Variants in TRAF3IP3 observed in about 807,000 individuals in gnomAD.
The protein encoded by TRAF3IP3 is TRAF3 interacting protein 3.
TRAF3IP3 carries 64 observed loss-of-function variants against 86.5 expected under a neutral mutation model. The observed-to-expected ratio is 0.74, with a 90% CI of 0.60 to 0.91. The LOEUF is 0.91. Ranked by LOEUF, TRAF3IP3 falls within the 40% of genes least tolerant of loss-of-function variation. The pLI is 0.00. For missense variants in TRAF3IP3, 579 were observed against 642.9 expected (o/e 0.90, Z 1.07); for synonymous variants, 220 against 243.9 (o/e 0.90, Z 0.91).
chr1:209,765,227 G>A (rs12758153), intron 8 of TRAF3IP3, among the ~76,000 whole-genome samples: 1 of 58,300 alleles, frequency 1.7e-5, no homozygotes, highest in South Asian at 6.1e-4. Flanking sequence ...GAGAGAGAGA[G>A]AGGAAGGAAG....
intron 8 of TRAF3IP3, among the ~76,000 whole-genome samples, chr1:209,772,663 T>C (rs1423992891): frequency 6.6e-6 from 1 of 151,176 alleles, no homozygotes; most frequent in Non-Finnish European, 1.5e-5. Context: ...TTAGAAGCTT[T>C]CCTTCCGGGG....
chr1:209,769,975 A>C (rs2077431655), intron 8 of TRAF3IP3, among the ~76,000 whole-genome samples: 1 of 152,156 alleles, frequency 6.6e-6, no homozygotes, highest in African/African-American at 2.4e-5. Flanking sequence ...GGAAGAACAA[A>C]ACCCCTACCT....
chr1:209,762,243 A>G (rs1434058494), intron 3 of TRAF3IP3, among the ~76,000 whole-genome samples: 1 of 152,188 alleles, frequency 6.6e-6, no homozygotes, highest in Non-Finnish European at 1.5e-5. Flanking sequence ...GAGAGCAGAG[A>G]GAGAAAGCAA....
Position 209,780,420 on chromosome 1 carries a change from C to T in TRAF3IP3, c.1313-50C>T, listed in dbSNP as rs142296496. The T allele has an allele frequency of 8.3e-5, 122 of 1,462,414 alleles. 1 individual carries two copies. In the East Asian group the frequency reaches 1.6e-3, roughly 19 times the overall value. 90.6% of individuals were successfully genotyped at this position (1,462,414 alleles called of 1,614,324 possible). ...TAGTGGTTTCACCCTCAGGGCCCTT[C>T]CTCAGAGGTGTGGGCCTCACTGTCA... On this transcript the variant is annotated intron_variant, in intron 14 of 16. Coordinates refer to ENST00000367025, the MANE Select transcript of TRAF3IP3 (RefSeq NM_025228.4).
chr1:209,779,438 G>A (rs775324939), intron 14 of TRAF3IP3, 64 bp downstream of exon 14: 12 of 1,424,688 alleles, frequency 8.4e-6, no homozygotes, highest in East Asian at 4.6e-5. Flanking sequence ...TAGAGGCAGC[G>A]GGATGGACTA....
chr1:209,761,940 T>A (rs1267663479), intron 3 of TRAF3IP3, among the ~76,000 whole-genome samples: 1 of 152,256 alleles, frequency 6.6e-6, no homozygotes, highest in Non-Finnish European at 1.5e-5. Flanking sequence ...GCTCCACATA[T>A]GCCTGGCCTG....
chr1:209,760,007 GA>G lies in TRAF3IP3; in HGVS notation c.-31del. 6.4e-7 allele frequency: 1 copy of G among 1,571,054 alleles called. No individual in the cohort carries two copies. Among genetic ancestry groups the G allele is most frequent in the South Asian group, 1.1e-5 (1 of 89,712 alleles). On this transcript the variant is annotated 5_prime_UTR_variant, in exon 3 of 17. Coordinates refer to ENST00000367025, the MANE Select transcript of TRAF3IP3 (RefSeq NM_025228.4). ...ATCCAGGCATCTATTCCAGGAACTG[GA>G]AGCCAAGCGCAACAGGTGCTTGGAG...
rs773410302 is a variant in TRAF3IP3 at position 209,762,625 on chromosome 1, G to A, written c.456G>A (p.Gln152=). 2 of 1,500,442 alleles carry A rather than the reference G, an allele frequency of 1.3e-6. No individual in the cohort carries two copies. Among genetic ancestry groups the A allele is most frequent in the East Asian group, 2.3e-5 (1 of 43,328 alleles). 92.9% of individuals were successfully genotyped at this position (1,500,442 alleles called of 1,614,324 possible). A position where few individuals can be genotyped will look rare whatever the true frequency, so the allele number is the denominator to read the frequency against. ...LSSQAGGLPP[Q]DTPIKKPPKH... ...CACAGGCTGGGGGCCTTCCTCCACA[G>A]GACACTCCCATCAAGAAGCCACCCA... The change falls in exon 4 of 17, where the codon CAG becomes CAA. Residue 152 remains glutamine (Q), a synonymous_variant. Coordinates refer to ENST00000367025, the MANE Select transcript of TRAF3IP3 (RefSeq NM_025228.4).
chr1:209,768,618 A>G, intron 8 of TRAF3IP3: 2 of 985,856 alleles, frequency 2.0e-6, no homozygotes, highest in Non-Finnish European at 2.4e-6. Context: ...GGCAGGGGAA[A>G]ACCACGCAGA....
chr1:209,760,504 T>C (rs1265499206), intron 3 of TRAF3IP3, 120 bp downstream of exon 3: 2 of 852,090 alleles, frequency 2.3e-6, no homozygotes, highest in East Asian at 2.7e-5. Context: ...CTCAGTCATA[T>C]AGTAAAGTTG....
At chr1:209,759,753 G>A (rs2077212457) in intron 2 of TRAF3IP3, among the ~76,000 whole-genome samples, 1 of 152,122 alleles carries the variant, frequency 6.6e-6, no homozygotes, top group Admixed American at 6.6e-5. Context: ...CTTTACAAAG[G>A]GGAAACATCG....
chr1:209,770,010 G>A (rs925716142), intron 8 of TRAF3IP3, among the ~76,000 whole-genome samples: 1 of 152,166 alleles, frequency 6.6e-6, no homozygotes, highest in African/African-American at 2.4e-5. Flanking sequence ...AGTCTACAAA[G>A]GGAGGGGACA....
At chr1:209,761,724 C>G (rs2077248050) in intron 3 of TRAF3IP3, among the ~76,000 whole-genome samples, 1 of 152,256 alleles carries the variant, frequency 6.6e-6, no homozygotes, top group Admixed American at 6.5e-5. Context: ...TATGGATTAT[C>G]TATTCCAAAC....
At position 209,769,825 on chromosome 1, in the gene TRAF3IP3, G is replaced by A. The variant is rs1339455373; in HGVS notation, c.703-3123G>A. Among the ~76,000 whole-genome samples, 3 of 152,334 alleles carry A rather than the reference G, an allele frequency of 2.0e-5. No individual in the cohort carries two copies. The East Asian group carries it at 5.8e-4, about 29-fold the overall frequency. On this transcript the variant is annotated intron_variant, in intron 8 of 16. Coordinates refer to ENST00000367025, the MANE Select transcript of TRAF3IP3 (RefSeq NM_025228.4). ...GGTGGAATTTCAAGACCTCACAAGC[G>A]TCCCACTTGGCCTGGTTGGAAAAAG...
In TRAF3IP3 at chr1:209,778,099, T is replaced by C. The variant is rs775960142; in HGVS notation, c.1190-12T>C. The C allele has an allele frequency of 1.4e-5, 23 of 1,613,550 alleles. No individual in the cohort carries two copies. The highest frequency in any genetic ancestry group is 1.6e-4 in the Middle Eastern group (1 of 6,084). On this transcript the variant is annotated splice_polypyrimidine_tract_variant and intron_variant, in intron 12 of 16. Transcript: ENST00000367025. ...GGTTCCTTTATTTTGGCTTGCATTA[T>C]TGCATTTTCAGATCAACTAAAAAGG... is the stretch of plus-strand genomic sequence containing the variant.
chr1:209,756,795 G>C (rs565327384), intron 1 of TRAF3IP3, among the ~76,000 whole-genome samples: 28 of 152,268 alleles, frequency 1.8e-4, no homozygotes, highest in African/African-American at 6.5e-4. Flanking sequence ...GACTCAGAAA[G>C]GCATGTCAAG....
At chr1:209,764,729 G>A (rs961801775) in intron 8 of TRAF3IP3, among the ~76,000 whole-genome samples, 4 of 139,626 alleles carry the variant, frequency 2.9e-5, no homozygotes, top group African/African-American at 8.3e-5. Context: ...GGACAAAAGA[G>A]CGAGACTCCA....
intron 8 of TRAF3IP3, among the ~76,000 whole-genome samples, chr1:209,770,605 GGTGT>G (rs34404623): frequency 7.0e-6 from 1 of 143,668 alleles, no homozygotes; most frequent in Admixed American, 7.0e-5. Context: ...TGCATGTGGA[GGTGT>G]GTGTGCAGCT....
chr1:209,780,841 CA>C (rs2077762141), intron 15 of TRAF3IP3: 1 of 292,036 alleles, frequency 3.4e-6, no homozygotes, highest in African/African-American at 2.2e-5. Context: ...GAAAGTCGAC[CA>C]AAACTCAAAC....
Sources: gnomAD v4.1 joint callset for allele counts (sites outside exome capture counted in the v4.1 genomes callset) on GRCh38, gnomAD v4.1.1 for gene constraint, MANE v1.5 for transcripts, NCBI Gene and HGNC (gene_info 2026-07-23, HGNC 2026-07-21) for gene names.